IFT140: variants seen among roughly 807,000 people sequenced by gnomAD.
IFT140 encodes the protein intraflagellar transport 140, also known as intraflagellar transport protein 140 homolog.
In IFT140, 133 loss-of-function variants were observed where a neutral mutation model predicts 164.6. The ratio of observed to expected loss-of-function variants is 0.81; its 90% CI spans 0.70 to 0.93. The LOEUF (loss-of-function observed/expected upper bound fraction) is 0.93, where lower values mean the gene tolerates loss of function less well. Among genes scored for constraint, IFT140 ranks in the 40% least tolerant of loss-of-function variants. The pLI is 0.00. For synonymous variants in IFT140, 860 were observed against 817.3 expected (o/e 1.05, Z -0.89); for missense variants, 2,045 against 1,972.3 (o/e 1.04, Z -0.70).
In IFT140 at chr16:1,580,766, G is replaced by A. The variant is rs1167489505; in HGVS notation, c.1517C>T (p.Thr506Ile). The change falls in exon 13 of 31, where the codon ACC becomes ATC. Residue 506 changes from threonine to isoleucine, a missense_variant. Transcript: ENST00000426508. ...AGTGGAGCAGCAACTTACCTGCCAG[G>A]TTCGAACTTGAACTCGGTTTGACTC... ...TVESNRVQVR[T>I]WQGTVKQLLL... 2 of 1,612,352 alleles carry A rather than the reference G, an allele frequency of 1.2e-6. No individual in the cohort carries two copies. Among genetic ancestry groups the A allele is most frequent in the Non-Finnish European group, 1.7e-6 (2 of 1,178,516 alleles).
At chr16:1,580,924 C>A in intron 12 of IFT140, 74 bp from the exon 13 acceptor site, 1 of 942,874 alleles carries the variant, frequency 1.1e-6, no homozygotes. Flanking sequence ...GGAGCATTCC[C>A]ACACACGATC....
In IFT140 at chr16:1,567,994, G is replaced by A. The variant is rs140608792; in HGVS notation, c.1770+223C>T. 3.9e-4 allele frequency among the ~76,000 whole-genome samples: 60 copies of A among 152,352 alleles called. 1 individual carries two copies. In the East Asian group the frequency reaches 5.8e-3, roughly 15 times the overall value. On this transcript the variant is annotated intron_variant, in intron 15 of 30. Coordinates refer to ENST00000426508, the MANE Select transcript of IFT140 (RefSeq NM_014714.4). ...AAAGGCAGGGGACAGAAGATGGCAG[G>A]TCGGGGAGGAACAGAGGCTGGGTGA...
At chr16:1,594,797 C>A (rs539068664) in intron 4 of IFT140, among the ~76,000 whole-genome samples, 2 of 152,156 alleles carry the variant, frequency 1.3e-5, no homozygotes, top group Non-Finnish European at 2.9e-5. Context: ...AGTCCGTGTG[C>A]GTGGCTCTTC....
intron 27 of IFT140, 60 bp from the exon 28 acceptor site, chr16:1,520,403 G>C: frequency 1.9e-6 from 3 of 1,558,982 alleles, no homozygotes; most frequent in Non-Finnish European, 2.6e-6. Context: ...AAGCACAAGG[G>C]ACCCCGAGCA....
rs1288732698 is a variant in IFT140 at position 1,519,974 on chromosome 16, T to A, written c.3947A>T (p.Lys1316Met). The A allele has an allele frequency of 1.0e-5, 16 of 1,606,162 alleles. No homozygotes were observed. The Admixed American group carries it at 2.4e-4, about 24-fold the overall frequency. ...ALTEAYKCLA[K>M]AKAKSPLDQE... ...GTCCAGGGGGCTCTTGGCCTTGGCC[T>A]TGGCCAGGCACTTGTAGGCCTCGGT... Residue 1316 changes from lysine (K) to methionine (M), a missense_variant, in exon 29 of 31, where the codon AAG becomes ATG. Lys to Met is a moderately conservative substitution (Grantham distance 95, BLOSUM62 -1). Coordinates refer to ENST00000426508, the MANE Select transcript of IFT140 (RefSeq NM_014714.4).
At position 1,527,534 on chromosome 16, in the gene IFT140, G is replaced by A. The variant is rs73497559; in HGVS notation, c.2400-738C>T. On this transcript the variant is annotated intron_variant, in intron 19 of 30. Transcript: ENST00000426508. ...GCCAAGTGGGCAGAGCTGCGTCAGG[G>A]CACAGGTGCAGGGACGGTGGAAGTC... 6.2e-3 allele frequency among the ~76,000 whole-genome samples: 948 copies of A among 152,300 alleles called. 8 individuals carry two copies. The highest frequency in any genetic ancestry group is 0.022 in the African/African-American group (910 of 41,574).
chr16:1,564,753 G>A lies in IFT140; in HGVS notation c.1902-591C>T, dbSNP rs1469002815. 6.6e-6 allele frequency among the ~76,000 whole-genome samples: 1 copy of A among 152,152 alleles called. No individual in the cohort carries two copies. Among genetic ancestry groups the A allele is most frequent in the African/African-American group, 2.4e-5 (1 of 41,428 alleles). On this transcript the variant is annotated intron_variant, in intron 16 of 30. Coordinates refer to ENST00000426508, the MANE Select transcript of IFT140 (RefSeq NM_014714.4). This position sits in a 1 kb window ranked among gnomAD's most constrained non-coding sequence, Gnocchi z 5.5. ...AGGAGGCCTATGAGCCTCATTCGCC[G>A]CCCCCAGGGTGTCACGAACCCAGGC...
chr16:1,532,386 C>G (rs533363656), intron 19 of IFT140: 2 of 152,336 alleles, frequency 1.3e-5, no homozygotes, highest in Non-Finnish European at 1.5e-5. Context: ...GGACCCAGCA[C>G]GCACCACGGG....
chr16:1,611,169 G>A (rs1164377299), intron 1 of IFT140, among the ~76,000 whole-genome samples: 1 of 152,330 alleles, frequency 6.6e-6, no homozygotes, highest in East Asian at 1.9e-4. Context: ...CCATCGCCGG[G>A]CCCCGGACTC....
Position 1,589,771 on chromosome 16 carries a change from T to G in IFT140, c.644A>C (p.His215Pro). The G allele has an allele frequency of 1.2e-6, 2 of 1,613,562 alleles. No homozygotes were observed. Among genetic ancestry groups the G allele is most frequent in the Non-Finnish European group, 1.7e-6 (2 of 1,179,510 alleles). ...FFVSLMDGTVHYVDEKGKTTQ... is the reference protein window; with the variant it reads ...FFVSLMDGTVPYVDEKGKTTQ... The stretch of plus-strand genomic sequence containing the variant: ...GGTCTTGCCCTTCTCATCCACATAG[T>G]GCACTGTCCCTGGGGACAAACGTGG... Residue 215 changes from histidine to proline, a missense_variant, in exon 7 of 31, where the codon CAC (histidine) becomes CCC (proline). Transcript: ENST00000426508.
Position 1,592,229 on chromosome 16 carries a change from A to C in IFT140, c.581T>G (p.Leu194Trp). 2 of 1,614,192 alleles carry C rather than the reference A, an allele frequency of 1.2e-6. No homozygotes were observed. The highest frequency in any genetic ancestry group is 1.7e-6 in the Non-Finnish European group (2 of 1,180,032). ...CCCCTCGTGAGACCCCATCTTCAGC[A>C]AACTTCCAGAACTGCTCTTCTTCCA... ...FNWKKSSSGS[L>W]LKMGSHEGLL... The change falls in exon 6 of 31, where the codon TTG becomes TGG. Residue 194 changes from leucine (L) to tryptophan (W), a missense_variant. Coordinates refer to ENST00000426508, the MANE Select transcript of IFT140 (RefSeq NM_014714.4).
chr16:1,606,655 T>G (rs965159564), intron 3 of IFT140, among the ~76,000 whole-genome samples: 2 of 152,142 alleles, frequency 1.3e-5, no homozygotes, highest in African/African-American at 4.8e-5. Context: ...AGATGGGGTT[T>G]CTCCATGTTG....
rs2033222748 is a variant in IFT140 at position 1,558,408 on chromosome 16, C to CTCTCTTAAAATT, written c.2200-275_2200-274insAATTTTAAGAGA. Among the ~76,000 whole-genome samples the CTCTCTTAAAATT allele has an allele frequency of 3.3e-5, 5 of 152,324 alleles. No individual in the cohort carries two copies. The South Asian group carries it at 1.0e-3, about 32-fold the overall frequency. ...TTTAAACTCTCTTAAAATTAAGTAA[C>CTCTCTTAAAATT]AGGAGCATGATTTCAGGTAGAATTT... On this transcript the variant is annotated intron_variant, in intron 18 of 30. Coordinates refer to ENST00000426508, the MANE Select transcript of IFT140 (RefSeq NM_014714.4).
intron 19 of IFT140, among the ~76,000 whole-genome samples, chr16:1,536,664 G>A (rs1478393158): frequency 6.6e-6 from 1 of 152,168 alleles, no homozygotes; most frequent in Admixed American, 6.5e-5. Context: ...AGGCTGGAGT[G>A]CAGCCACCAC....
chr16:1,537,250 C>T (rs1040574623), intron 19 of IFT140, among the ~76,000 whole-genome samples: 7 of 151,982 alleles, frequency 4.6e-5, no homozygotes, highest in Admixed American at 3.3e-4. Flanking sequence ...CGCCACACCG[C>T]GTGCCTCCTC....
At position 1,583,502 on chromosome 16, in the gene IFT140, C is replaced by T. The variant is rs529306329; in HGVS notation, c.1360-116G>A. ...ACACTTCTGAACACTGCTGCTCCAT[C>T]ATCCTACGACTATGAGATCACTGGG... On this transcript the variant is annotated intron_variant, in intron 11 of 30. Transcript: ENST00000426508. 289 of 742,138 alleles carry T rather than the reference C, an allele frequency of 3.9e-4. 4 individuals are homozygous for T. In the South Asian group the frequency reaches 4.9e-3, roughly 13 times the overall value. The allele number at this position is 742,138 out of a possible 1,614,324, so 46.0% of individuals were successfully genotyped here.
chr16:1,553,411 G>C lies in IFT140; in HGVS notation c.2399+4524C>G, dbSNP rs921975344. ...ATTTGGTTTCCTGGGGAATGCAGGG[G>C]AGGCGGTTGGGAGTGGAGAGACCGG... On this transcript the variant is annotated intron_variant, in intron 19 of 30. Coordinates refer to ENST00000426508, the MANE Select transcript of IFT140 (RefSeq NM_014714.4). The surrounding 1 kb of genome is among the most constrained non-coding windows in gnomAD (Gnocchi z 4.4). 4.1e-6 allele frequency: 4 copies of C among 985,416 alleles called. No homozygotes were observed. Among genetic ancestry groups the C allele is most frequent in the Non-Finnish European group, 4.8e-6 (4 of 829,938 alleles). 61.0% of individuals were successfully genotyped at this position (985,416 alleles called of 1,614,324 possible). A position where few individuals can be genotyped will look rare whatever the true frequency, so the allele number is the denominator to read the frequency against.
intron 16 of IFT140, among the ~76,000 whole-genome samples, chr16:1,565,459 G>A (rs547412802): frequency 6.6e-6 from 1 of 152,136 alleles, no homozygotes; most frequent in Non-Finnish European, 1.5e-5. Context: ...GGGAATCCAG[G>A]GGGGCTGGAC....
chr16:1,529,776 C>T (rs980004258), intron 19 of IFT140, among the ~76,000 whole-genome samples: 13 of 152,220 alleles, frequency 8.5e-5, no homozygotes, highest in Non-Finnish European at 1.9e-4. Context: ...AGTTTATAAA[C>T]GGCTCAGACA....
Sources: gnomAD v4.1 joint callset for allele counts (sites outside exome capture counted in the v4.1 genomes callset) on GRCh38, gnomAD v4.1.1 for gene constraint, Gnocchi (gnomAD v3.1) non-coding constraint, MANE v1.5 for transcripts, NCBI Gene and HGNC (gene_info 2026-07-23, HGNC 2026-07-21) for gene names.